Variants in CDH13 observed in about 807,000 individuals in gnomAD.
CDH13 encodes cadherin 13.
A neutral mutation model predicts 63.8 loss-of-function variants in CDH13; 24 were observed. The ratio of observed to expected loss-of-function variants is 0.38; its 90% CI spans 0.27 to 0.53. The LOEUF is 0.53. Ranked by LOEUF, CDH13 falls within the 20% of genes least tolerant of loss-of-function variation. The probability of loss-of-function intolerance (pLI) is 0.85; values close to 1 mark genes in which losing one functional copy is unlikely to be tolerated. For missense variants in CDH13, 1,049 were observed against 903.1 expected (o/e 1.16, Z -2.07); for synonymous variants, 503 against 355.3 (o/e 1.42, Z -4.67).
intron 7 of CDH13, among the ~76,000 whole-genome samples, chr16:83,530,045 A>G (rs1194669439): frequency 6.6e-6 from 1 of 152,154 alleles, no homozygotes; most frequent in Non-Finnish European, 1.5e-5. Flanking sequence ...ACTGAGCTGG[A>G]CATGAAGCAT....
At chr16:82,963,027 G>T (rs1475565005) in intron 2 of CDH13, among the ~76,000 whole-genome samples, 1 of 151,998 alleles carries the variant, frequency 6.6e-6, no homozygotes, top group South Asian at 2.1e-4. Context: ...TATTTTTCTA[G>T]TAACACCTAA....
At chr16:83,236,601 G>C (rs910206720) in intron 5 of CDH13, among the ~76,000 whole-genome samples, 13 of 152,232 alleles carry the variant, frequency 8.5e-5, no homozygotes, top group Middle Eastern at 3.4e-3. Flanking sequence ...AACAGTTCTG[G>C]AGACAGATTC....
At chr16:83,537,762 A>T (rs1336382311) in intron 7 of CDH13, among the ~76,000 whole-genome samples, 1 of 152,350 alleles carries the variant, frequency 6.6e-6, no homozygotes, top group Non-Finnish European at 1.5e-5. Flanking sequence ...ATCACATTTT[A>T]GCCCCTTGGA....
intron 5 of CDH13, among the ~76,000 whole-genome samples, chr16:83,324,731 A>C (rs2090321399): frequency 6.6e-6 from 1 of 152,168 alleles, no homozygotes. Context: ...GTGTGTGGGG[A>C]CACATGTTTT....
chr16:83,716,088 C>T (rs1022111663), intron 10 of CDH13, among the ~76,000 whole-genome samples: 1 of 152,054 alleles, frequency 6.6e-6, no homozygotes, highest in Non-Finnish European at 1.5e-5. Flanking sequence ...TAGACTTGCC[C>T]ACTTTTTTGT....
chr16:83,416,327 A>G (rs1248043022), intron 6 of CDH13, among the ~76,000 whole-genome samples: 3 of 152,204 alleles, frequency 2.0e-5, no homozygotes, highest in Admixed American at 2.0e-4. Context: ...ACCCAAAATT[A>G]TCTACAGATT....
intron 3 of CDH13, among the ~76,000 whole-genome samples, chr16:83,033,103 C>T (rs1323610914): frequency 1.3e-5 from 2 of 152,106 alleles, no homozygotes; most frequent in African/African-American, 4.8e-5. Flanking sequence ...TATATGTACA[C>T]ATACATATGG....
chr16:83,532,342 T>C (rs540974166), intron 7 of CDH13, among the ~76,000 whole-genome samples: 2 of 152,272 alleles, frequency 1.3e-5, no homozygotes, highest in South Asian at 2.1e-4. Context: ...AGAGTTCCCA[T>C]TGCACCTTGA....
intron 8 of CDH13, among the ~76,000 whole-genome samples, chr16:83,624,356 G>C (rs1232257546): frequency 7.5e-6 from 1 of 133,096 alleles, no homozygotes; most frequent in Non-Finnish European, 1.7e-5. Context: ...CCCTGCCCCA[G>C]GTCAGCAGTC....
In CDH13 at chr16:83,635,339, T is replaced by C. The variant is rs1911161364; in HGVS notation, c.1101+32745T>C. On this transcript the variant is annotated intron_variant, in intron 8 of 13. Transcript: ENST00000567109. ...CTTTTGCCCATTTTCTTTCTTTTTT[T>C]TTTTTTTTTTTTTTTTTTTTTTGAG... Among the ~76,000 whole-genome samples the C allele has an allele frequency of 6.1e-5, 7 of 114,202 alleles. No individual in the cohort carries two copies. The South Asian group carries it at 2.0e-3, about 33-fold the overall frequency. 74.9% of individuals were successfully genotyped at this position (114,202 alleles called of 152,430 possible). A position where few individuals can be genotyped will look rare whatever the true frequency, so the allele number is the denominator to read the frequency against.
intron 5 of CDH13, among the ~76,000 whole-genome samples, chr16:83,324,086 G>A (rs548610720): frequency 6.2e-5 from 9 of 146,104 alleles, no homozygotes; most frequent in South Asian, 2.1e-4. Context: ...TACCCAAGCC[G>A]GAGTGCAATG....
intron 7 of CDH13, among the ~76,000 whole-genome samples, chr16:83,495,401 T>A (rs2130156): frequency 0.5 from 75,625 of 151,928 alleles, 19,569 homozygotes; most frequent in East Asian, 0.83. Flanking sequence ...AGATAAGGGG[T>A]TGTGGAGACT....
intron 8 of CDH13, among the ~76,000 whole-genome samples, chr16:83,619,705 C>G (rs775129395): frequency 2.6e-5 from 4 of 152,244 alleles, no homozygotes; most frequent in Admixed American, 6.5e-5. Context: ...TTCCTCTTTG[C>G]AGAAGGACAC....
At chr16:83,512,805 C>G (rs1256731569) in intron 7 of CDH13, among the ~76,000 whole-genome samples, 1 of 152,128 alleles carries the variant, frequency 6.6e-6, no homozygotes, top group Non-Finnish European at 1.5e-5. Context: ...CCCTGAGATC[C>G]TGTCGGTAAA....
intron 3 of CDH13, among the ~76,000 whole-genome samples, chr16:83,067,763 G>A (rs2032128142): frequency 1.3e-5 from 2 of 152,292 alleles, no homozygotes; most frequent in African/African-American, 2.4e-5. Context: ...AAAGCAGAGA[G>A]CAGAGTAGTA....
chr16:83,056,517 C>G (rs563124311), intron 3 of CDH13, among the ~76,000 whole-genome samples: 1 of 151,856 alleles, frequency 6.6e-6, no homozygotes, highest in Non-Finnish European at 1.5e-5. Flanking sequence ...ACTTAATAGG[C>G]ATAACATTGC....
intron 8 of CDH13, among the ~76,000 whole-genome samples, chr16:83,648,621 C>G (rs1402857336): frequency 6.6e-6 from 1 of 152,188 alleles, no homozygotes; most frequent in Non-Finnish European, 1.5e-5. Context: ...ATGGTTTCTA[C>G]TGACACCGAC....
chr16:83,481,399 G>A (rs2073757158), intron 6 of CDH13, among the ~76,000 whole-genome samples: 1 of 152,122 alleles, frequency 6.6e-6, no homozygotes, highest in Non-Finnish European at 1.5e-5. Flanking sequence ...CATCCTCATG[G>A]CCAGCTGAAA....
At chr16:83,216,347 G>C (rs1402632828) in intron 4 of CDH13, among the ~76,000 whole-genome samples, 1 of 129,980 alleles carries the variant, frequency 7.7e-6, no homozygotes, top group African/African-American at 2.8e-5. Context: ...CTATCTCAGT[G>C]GTTTCATCCA....
Sources: allele counts gnomAD v4.1 joint callset (sites outside exome capture counted in the v4.1 genomes callset), GRCh38; gene constraint gnomAD v4.1.1; transcripts MANE v1.5; gene names NCBI Gene and HGNC (gene_info 2026-07-23, HGNC 2026-07-21).